KHDRBS3: variants seen among roughly 807,000 people sequenced by gnomAD.
KHDRBS3 encodes the protein KH RNA binding domain containing, signal transduction associated 3, also known as KH domain-containing, RNA-binding, signal transduction-associated protein 3.
KHDRBS3 carries 23 observed loss-of-function variants against 45.6 expected under a neutral mutation model. The ratio of observed to expected loss-of-function variants is 0.50; its 90% CI spans 0.36 to 0.72. KHDRBS3 has a LOEUF of 0.72. Among genes scored for constraint, KHDRBS3 ranks in the 30% least tolerant of loss-of-function variants. KHDRBS3 has a pLI of 0.00. For synonymous variants in KHDRBS3, 162 were observed against 156.5 expected, an observed-to-expected ratio of 1.04 and a Z score of -0.26; for missense variants, 352 against 424.8, an observed-to-expected ratio of 0.83 and a Z score of 1.51.
At chr8:135,504,934 T>C (rs560724153) in intron 1 of KHDRBS3, among the ~76,000 whole-genome samples, 6 of 152,154 alleles carry the variant, frequency 3.9e-5, no homozygotes, top group Non-Finnish European at 7.3e-5. Context: ...GGCACACCAC[T>C]ATAGCAGTAC....
At chr8:135,500,239 C>A (rs1183967341) in intron 1 of KHDRBS3, among the ~76,000 whole-genome samples, 2 of 150,790 alleles carry the variant, frequency 1.3e-5, no homozygotes, top group African/African-American at 2.4e-5. Flanking sequence ...TGTCATAAGC[C>A]AGGATTTGGT....
chr8:135,634,373 A>G (rs1455584474), intron 7 of KHDRBS3, among the ~76,000 whole-genome samples: 1 of 152,226 alleles, frequency 6.6e-6, no homozygotes, highest in East Asian at 1.9e-4. Context: ...ATAATTTAGA[A>G]AGCCAGACCT....
At chr8:135,459,286 T>C (rs1394863067) in intron 1 of KHDRBS3, among the ~76,000 whole-genome samples, 1 of 152,222 alleles carries the variant, frequency 6.6e-6, no homozygotes, top group Non-Finnish European at 1.5e-5. Flanking sequence ...AGAGACTCTT[T>C]ACTGTCTCCA....
intron 1 of KHDRBS3, among the ~76,000 whole-genome samples, chr8:135,468,087 G>C (rs1049973158): frequency 2.0e-5 from 3 of 151,910 alleles, no homozygotes; most frequent in Non-Finnish European, 4.4e-5. Flanking sequence ...CTAAATTCAT[G>C]CATTTTTCTT....
intron 6 of KHDRBS3, among the ~76,000 whole-genome samples, chr8:135,602,006 T>C (rs769674884): frequency 3.3e-5 from 5 of 152,106 alleles, no homozygotes; most frequent in African/African-American, 4.8e-5. Flanking sequence ...AGTCCTCAGA[T>C]AAAAAAATCT....
At chr8:135,511,072 A>G (rs1824259774) in intron 1 of KHDRBS3, among the ~76,000 whole-genome samples, 1 of 152,194 alleles carries the variant, frequency 6.6e-6, no homozygotes. Context: ...TAATAATCCA[A>G]AACATTTTTT....
chr8:135,636,615 G>T (rs1389382828), intron 7 of KHDRBS3, among the ~76,000 whole-genome samples: 1 of 152,312 alleles, frequency 6.6e-6, no homozygotes, highest in East Asian at 1.9e-4. Context: ...AGGTGGGCTC[G>T]TGATGGATCC....
chr8:135,584,226 A>G (rs1828350288), intron 6 of KHDRBS3, among the ~76,000 whole-genome samples: 1 of 152,236 alleles, frequency 6.6e-6, no homozygotes, highest in Non-Finnish European at 1.5e-5. Context: ...TTTCTGTCAC[A>G]TGGTAGCGTT....
At chr8:135,475,402 C>T (rs13262911) in intron 1 of KHDRBS3, among the ~76,000 whole-genome samples, 1 of 118,746 alleles carries the variant, frequency 8.4e-6, no homozygotes, top group African/African-American at 4.0e-5. Context: ...ACTTCCACCC[C>T]CTGGGTTCAA....
rs76632466 is a variant in KHDRBS3 at position 135,614,869 on chromosome 8, C to G, written c.890+7832C>G. Among the ~76,000 whole-genome samples the G allele has an allele frequency of 9.6e-3, 1,460 of 151,948 alleles. 12 individuals are homozygous for G. The highest frequency in any genetic ancestry group is 0.012 in the Non-Finnish European group (832 of 68,026). On this transcript the variant is annotated intron_variant, in intron 7 of 8. Coordinates refer to ENST00000355849, the MANE Select transcript of KHDRBS3 (RefSeq NM_006558.3). Reference sequence around the variant, plus strand: ...CGTGGACCACTGCACTGGGACTTTGCAGTGGGGAAGAGAGACCGGGCTCCA... The same window carrying G: ...CGTGGACCACTGCACTGGGACTTTGGAGTGGGGAAGAGAGACCGGGCTCCA...
At chr8:135,639,115 G>T (rs895080460) in intron 7 of KHDRBS3, among the ~76,000 whole-genome samples, 4 of 152,210 alleles carry the variant, frequency 2.6e-5, no homozygotes, top group Non-Finnish European at 5.9e-5. Context: ...CATAACATGT[G>T]GATGAGCATT....
At chr8:135,622,218 G>A (rs75692168) in intron 7 of KHDRBS3, among the ~76,000 whole-genome samples, 2,568 of 152,172 alleles carry the variant, frequency 0.017, 33 homozygotes, top group Non-Finnish European at 0.026. Context: ...TAGAACATAC[G>A]TAGTGCTCAA....
At chr8:135,547,891 G>A (rs965904371) in intron 3 of KHDRBS3, among the ~76,000 whole-genome samples, 1 of 152,168 alleles carries the variant, frequency 6.6e-6, no homozygotes, top group Non-Finnish European at 1.5e-5. Context: ...GGTTAGTTAG[G>A]AAAAGGCAGT....
At position 135,563,873 on chromosome 8, in the gene KHDRBS3, C is replaced by T. The variant is rs935772227; in HGVS notation, c.611+6286C>T. Among the ~76,000 whole-genome samples, 4 of 152,180 alleles carry T rather than the reference C, an allele frequency of 2.6e-5. No homozygotes were observed. The East Asian group carries it at 5.8e-4, about 22-fold the overall frequency. On this transcript the variant is annotated intron_variant, in intron 5 of 8. Transcript: ENST00000355849. Reference sequence around the variant, plus strand: ...CTGGCTCTTCTGGCCCTTTCTTCCACGTAGGAGCAGTCCTACCTTCCCACA... The same window carrying T: ...CTGGCTCTTCTGGCCCTTTCTTCCATGTAGGAGCAGTCCTACCTTCCCACA...
At chr8:135,497,999 C>T (rs940074525) in intron 1 of KHDRBS3, among the ~76,000 whole-genome samples, 1 of 152,048 alleles carries the variant, frequency 6.6e-6, no homozygotes, top group East Asian at 1.9e-4. Context: ...CATGATGGTG[C>T]CTTCCTTCCT....
At chr8:135,609,887 T>G (rs1223510862) in intron 7 of KHDRBS3, among the ~76,000 whole-genome samples, 2 of 151,874 alleles carry the variant, frequency 1.3e-5, no homozygotes, top group African/African-American at 4.9e-5. Flanking sequence ...AGAAGCGACT[T>G]AATATTTATT....
chr8:135,561,156 G>T (rs919122444), intron 5 of KHDRBS3, among the ~76,000 whole-genome samples: 42 of 152,076 alleles, frequency 2.8e-4, no homozygotes, highest in Admixed American at 8.5e-4. Context: ...TCATAAAGTT[G>T]GTGCTTGTAT....
At chr8:135,527,781 T>TA in intron 2 of KHDRBS3, among the ~76,000 whole-genome samples, 1 of 152,298 alleles carries the variant, frequency 6.6e-6, no homozygotes, top group East Asian at 1.9e-4. Context: ...AAAGTCAAGA[T>TA]ACAGAAAATC....
chr8:135,463,255 T>C (rs1821523198), intron 1 of KHDRBS3, among the ~76,000 whole-genome samples: 1 of 152,188 alleles, frequency 6.6e-6, no homozygotes, highest in Admixed American at 6.5e-5. Context: ...ATTTCAGTGT[T>C]ACGTGTTAAT....
Sources: allele counts gnomAD v4.1 joint callset (sites outside exome capture counted in the v4.1 genomes callset), GRCh38; gene constraint gnomAD v4.1.1; transcripts MANE v1.5; gene names NCBI Gene and HGNC (gene_info 2026-07-23, HGNC 2026-07-21).